Variants in ARHGAP26 observed in about 807,000 individuals in gnomAD.
ARHGAP26 encodes the protein rho GTPase-activating protein 26.
In ARHGAP26, 38 loss-of-function variants were observed where a neutral mutation model predicts 104.8. The ratio of observed to expected loss-of-function variants is 0.36; its 90% CI spans 0.28 to 0.48. The LOEUF (loss-of-function observed/expected upper bound fraction) is 0.48. Ranked by LOEUF, ARHGAP26 falls within the 20% of genes least tolerant of loss-of-function variation. ARHGAP26 has a pLI of 0.99. For missense variants in ARHGAP26, 704 were observed against 947.9 expected (o/e 0.74, Z 3.38); for synonymous variants, 341 against 340.0 (o/e 1.00, Z -0.03).
At chr5:142,895,918 G>C (rs1280883598) in intron 6 of ARHGAP26, among the ~76,000 whole-genome samples, 2 of 152,182 alleles carry the variant, frequency 1.3e-5, no homozygotes, top group Non-Finnish European at 2.9e-5. Flanking sequence ...ACCACTCCCA[G>C]CTACCTCATT....
intron 21 of ARHGAP26, among the ~76,000 whole-genome samples, chr5:143,212,333 G>A (rs1051359335): frequency 7.1e-6 from 1 of 140,002 alleles, no homozygotes; most frequent in Non-Finnish European, 1.5e-5. Flanking sequence ...CACTCCTCCT[G>A]TCTGCTTCCC....
chr5:142,773,341 C>G (rs1258000974), intron 1 of ARHGAP26, among the ~76,000 whole-genome samples: 3 of 151,932 alleles, frequency 2.0e-5, no homozygotes, highest in Admixed American at 2.0e-4. Context: ...TATTTTATAG[C>G]CATATTTTAT....
intron 22 of ARHGAP26, among the ~76,000 whole-genome samples, chr5:143,221,697 A>G (rs560438343): frequency 2.0e-5 from 3 of 152,198 alleles, no homozygotes; most frequent in Admixed American, 2.0e-4. Flanking sequence ...TAGTTTTTGT[A>G]TATTTTGTAG....
At chr5:143,162,284 T>TACACACAC (rs34577770) in intron 20 of ARHGAP26, among the ~76,000 whole-genome samples, 28,404 of 147,184 alleles carry the variant, frequency 0.19, 2,817 homozygotes, top group Non-Finnish European at 0.22. Flanking sequence ...AACACACACA[T>TACACACAC]ACACACACAC....
At chr5:143,041,770 T>C (rs748484229) in intron 13 of ARHGAP26, 46 bp from the exon 14 acceptor site, 1 of 1,470,126 alleles carries the variant, frequency 6.8e-7, no homozygotes. Flanking sequence ...GCCTGACTTG[T>C]GTTCTGACGT....
chr5:142,949,331 C>T (rs915043276), intron 11 of ARHGAP26, among the ~76,000 whole-genome samples: 21 of 151,638 alleles, frequency 1.4e-4, no homozygotes, highest in Middle Eastern at 3.4e-3. Flanking sequence ...GAATATGTTC[C>T]TCTCTATGAA....
intron 11 of ARHGAP26, among the ~76,000 whole-genome samples, chr5:143,012,552 C>CATATATATATATATATATACACAT (rs1778954217): frequency 4.8e-5 from 1 of 20,846 alleles, no homozygotes; most frequent in Non-Finnish European, 1.4e-4. Context: ...TACATACATA[C>CATATATATATATATATATACACAT]ATATATATAT....
In ARHGAP26 at chr5:143,007,248, C is replaced by T. The variant is rs139642413; in HGVS notation, c.1108-6832C>T. Among the ~76,000 whole-genome samples the T allele has an allele frequency of 1.8e-3, 280 of 151,602 alleles. 1 individual carries two copies. Among genetic ancestry groups the T allele is most frequent in the African/African-American group, 6.2e-3 (258 of 41,314 alleles). On this transcript the variant is annotated intron_variant, in intron 11 of 22. Transcript: ENST00000645722. ...AAATTTAGCCTGTATTAGTGTTTGC[C>T]GAGCATTCTAATGTGTTCAACTGAG...
At chr5:142,869,317 C>T (rs527793302) in intron 1 of ARHGAP26, among the ~76,000 whole-genome samples, 29 of 151,910 alleles carry the variant, frequency 1.9e-4, no homozygotes, top group African/African-American at 6.5e-4. Flanking sequence ...CGCGATTCTC[C>T]TGCCTCAGCC....
chr5:142,811,266 T>C (rs973123787), intron 1 of ARHGAP26, among the ~76,000 whole-genome samples: 2 of 152,136 alleles, frequency 1.3e-5, no homozygotes, highest in Non-Finnish European at 2.9e-5. Flanking sequence ...ATAACTTCAC[T>C]CTGTATGCTG....
chr5:142,947,263 C>G (rs144028504), intron 11 of ARHGAP26, among the ~76,000 whole-genome samples: 10 of 152,116 alleles, frequency 6.6e-5, no homozygotes, highest in African/African-American at 2.4e-4. Flanking sequence ...CTAAGGAAAT[C>G]ATCAACATTC....
intron 17 of ARHGAP26, among the ~76,000 whole-genome samples, chr5:143,110,811 C>T (rs1794689393): frequency 6.6e-6 from 1 of 152,188 alleles, no homozygotes; most frequent in Non-Finnish European, 1.5e-5. Flanking sequence ...TATGTGAATG[C>T]TGCTCTTCCC....
At chr5:142,943,879 A>G (rs1424920633) in intron 11 of ARHGAP26, among the ~76,000 whole-genome samples, 1 of 151,998 alleles carries the variant, frequency 6.6e-6, no homozygotes, top group East Asian at 1.9e-4. Flanking sequence ...TTTTGTTTAT[A>G]TTAGCTTAAC....
chr5:142,897,807 C>G (rs1464448637), intron 6 of ARHGAP26, among the ~76,000 whole-genome samples: 1 of 152,164 alleles, frequency 6.6e-6, no homozygotes, highest in African/African-American at 2.4e-5. Context: ...AGTTTCTTTA[C>G]CTGTCCAACA....
chr5:143,141,776 C>T (rs1211362902), intron 19 of ARHGAP26, among the ~76,000 whole-genome samples: 2 of 152,166 alleles, frequency 1.3e-5, no homozygotes, highest in Non-Finnish European at 2.9e-5. Flanking sequence ...ATACAGTGTC[C>T]ATTTAACTCT....
chr5:143,117,795 G>A (rs558271087), intron 17 of ARHGAP26, among the ~76,000 whole-genome samples: 86 of 152,288 alleles, frequency 5.6e-4, no homozygotes, highest in South Asian at 2.5e-3. Context: ...AGGGAGGTTG[G>A]GATAGTTGAG....
intron 1 of ARHGAP26, among the ~76,000 whole-genome samples, chr5:142,803,402 T>A (rs996911288): frequency 6.6e-6 from 1 of 152,150 alleles, no homozygotes; most frequent in African/African-American, 2.4e-5. Context: ...TGAAAATGAG[T>A]TGAGGAATTT....
At chr5:142,863,883 C>T (rs1421609347) in intron 1 of ARHGAP26, among the ~76,000 whole-genome samples, 3 of 152,286 alleles carry the variant, frequency 2.0e-5, no homozygotes, top group African/African-American at 7.2e-5. Flanking sequence ...AGGCTCAAGC[C>T]AGGATCAACC....
intron 11 of ARHGAP26, among the ~76,000 whole-genome samples, chr5:142,954,766 A>G (rs769605206): frequency 1.1e-4 from 16 of 152,188 alleles, no homozygotes; most frequent in Non-Finnish European, 2.1e-4. Context: ...TGCCCAGCTG[A>G]CTAGATCTAG....
Sources: gnomAD v4.1 joint callset for allele counts (sites outside exome capture counted in the v4.1 genomes callset) on GRCh38, gnomAD v4.1.1 for gene constraint, MANE v1.5 for transcripts, NCBI Gene and HGNC (gene_info 2026-07-23, HGNC 2026-07-21) for gene names.